SLC26A7: variants seen among roughly 807,000 people sequenced by gnomAD.
SLC26A7 encodes solute carrier family 26 member 7, also known as anion exchange transporter.
A neutral mutation model predicts 82.5 loss-of-function variants in SLC26A7; 59 were observed. The ratio of observed to expected loss-of-function variants is 0.72; its 90% CI spans 0.58 to 0.89. The LOEUF (loss-of-function observed/expected upper bound fraction) is 0.89. Ranked by LOEUF, SLC26A7 falls within the 40% of genes least tolerant of loss-of-function variation. The pLI, the probability that SLC26A7 is intolerant of heterozygous loss-of-function variation, is 0.00. For missense variants in SLC26A7, 820 were observed against 793.0 expected (o/e 1.03, Z -0.41); for synonymous variants, 271 against 274.3 (o/e 0.99, Z 0.12).
intron 5 of SLC26A7, among the ~76,000 whole-genome samples, chr8:91,328,971 A>G (rs933168741): frequency 6.6e-6 from 1 of 152,152 alleles, no homozygotes; most frequent in Non-Finnish European, 1.5e-5. Flanking sequence ...TGAACTCTCA[A>G]TATATAATGA....
chr8:91,346,992 G>C (rs577525812), intron 9 of SLC26A7, among the ~76,000 whole-genome samples: 1 of 152,260 alleles, frequency 6.6e-6, no homozygotes, highest in Admixed American at 6.5e-5. Flanking sequence ...GTTCATTATT[G>C]TGATTATATG....
rs1813209568 is a variant in SLC26A7 at position 91,335,259 on chromosome 8, G to A, written c.795+812G>A. On this transcript the variant is annotated intron_variant, in intron 6 of 18. Coordinates refer to ENST00000276609, the MANE Select transcript of SLC26A7 (RefSeq NM_052832.4). ...ATGTAGGTTTATGTACAATTATAAG[G>A]CTAGCACATTGCAATTGACTATTAA... 2.0e-5 allele frequency among the ~76,000 whole-genome samples: 3 copies of A among 152,086 alleles called. No homozygotes were observed. The South Asian group carries it at 6.2e-4, about 32-fold the overall frequency.
At chr8:91,261,212 A>G (rs1479083088) in intron 2 of SLC26A7, among the ~76,000 whole-genome samples, 1 of 152,112 alleles carries the variant, frequency 6.6e-6, no homozygotes. Flanking sequence ...ATTTCTATTC[A>G]AAAAATATTT....
At chr8:91,371,893 C>T (rs929624923) in intron 15 of SLC26A7, among the ~76,000 whole-genome samples, 1 of 151,886 alleles carries the variant, frequency 6.6e-6, no homozygotes, top group African/African-American at 2.4e-5. Context: ...ATATACTTAC[C>T]AACATCTGTT....
At chr8:91,343,777 G>C (rs907887359) in intron 9 of SLC26A7, among the ~76,000 whole-genome samples, 1 of 152,078 alleles carries the variant, frequency 6.6e-6, no homozygotes. Flanking sequence ...TGGTCAACAT[G>C]ACGTTTTCCC....
intron 9 of SLC26A7, among the ~76,000 whole-genome samples, chr8:91,347,533 G>A (rs1813593912): frequency 1.3e-5 from 2 of 151,942 alleles, no homozygotes; most frequent in Non-Finnish European, 2.9e-5. Context: ...TCAAAATCTG[G>A]TATTTTAGAT....
At chr8:91,287,669 T>C (rs1456342128) in intron 2 of SLC26A7, among the ~76,000 whole-genome samples, 3 of 152,240 alleles carry the variant, frequency 2.0e-5, no homozygotes, top group Non-Finnish European at 2.9e-5. Flanking sequence ...TAATAGATAA[T>C]TTTTATCAGG....
At chr8:91,292,168 G>T (rs938838279) in intron 3 of SLC26A7, among the ~76,000 whole-genome samples, 1 of 152,092 alleles carries the variant, frequency 6.6e-6, no homozygotes, top group African/African-American at 2.4e-5. Context: ...AGCTGGACGT[G>T]GTGGCGGGCA....
intron 2 of SLC26A7, among the ~76,000 whole-genome samples, chr8:91,276,496 T>C (rs746463960): frequency 6.6e-6 from 1 of 152,194 alleles, no homozygotes; most frequent in Non-Finnish European, 1.5e-5. Context: ...CTAGCAGATA[T>C]AGGAGTAGGA....
intron 2 of SLC26A7, among the ~76,000 whole-genome samples, chr8:91,262,092 G>A (rs1489389501): frequency 6.6e-6 from 1 of 152,062 alleles, no homozygotes; most frequent in Non-Finnish European, 1.5e-5. Flanking sequence ...GACAGAAGAG[G>A]TCTGAGAATT....
At chr8:91,278,360 C>A (rs1225044153) in intron 2 of SLC26A7, among the ~76,000 whole-genome samples, 1 of 152,000 alleles carries the variant, frequency 6.6e-6, no homozygotes, top group African/African-American at 2.4e-5. Context: ...AAGAGAAAAT[C>A]CAAAATTATC....
chr8:91,304,663 C>A (rs929007580), intron 4 of SLC26A7, among the ~76,000 whole-genome samples: 1 of 152,200 alleles, frequency 6.6e-6, no homozygotes, highest in Non-Finnish European at 1.5e-5. Flanking sequence ...GTATACACTT[C>A]CTTAACTGCT....
chr8:91,346,617 C>CTGGTATTTCTGCAGAAA (rs1563691326), intron 9 of SLC26A7, among the ~76,000 whole-genome samples: 3 of 152,252 alleles, frequency 2.0e-5, no homozygotes, highest in East Asian at 1.9e-4. Flanking sequence ...AGAAACATTT[C>CTGGTATTTCTGCAGAAA]TGGTATTTCT....
At chr8:91,340,168 C>T (rs911558233) in intron 7 of SLC26A7, among the ~76,000 whole-genome samples, 3 of 152,102 alleles carry the variant, frequency 2.0e-5, no homozygotes, top group East Asian at 1.9e-4. Context: ...ATTCTCTGGG[C>T]GTAAATGCCA....
chr8:91,395,066 TGAG>T lies in SLC26A7; in HGVS notation c.1941_1943del (p.Leu647_Ser648delinsPhe). ...CTTCTTCCTCTGGTATTTCAGAATT[TGAG>T]CAAACTCAGTGACCACAGTGAAGTC... is the stretch of plus-strand genomic sequence containing the variant. On this transcript the variant is annotated inframe_deletion, in exon 19 of 19. Transcript: ENST00000276609. 6.2e-7 allele frequency: 1 copy of T among 1,613,436 alleles called. No homozygotes were observed. The highest frequency in any genetic ancestry group is 8.5e-7 in the Non-Finnish European group (1 of 1,179,396).
In SLC26A7 at chr8:91,389,439, G is replaced by A. The variant is rs778587231; in HGVS notation, c.1776+1G>A. The A allele has an allele frequency of 1.2e-6, 2 of 1,604,574 alleles. No homozygotes were observed. The highest frequency in any genetic ancestry group is 2.2e-5 in the South Asian group (2 of 90,860). On this transcript the variant is annotated splice_donor_variant, in intron 16 of 18. Transcript: ENST00000276609. LOFTEE classifies it high-confidence loss of function. Reference sequence around the variant, plus strand: ...TTCTGGAGTCTCCATGCTTGTTGAGGTATTTATGGAACTTGTGTTTAGAAC... The same window carrying A: ...TTCTGGAGTCTCCATGCTTGTTGAGATATTTATGGAACTTGTGTTTAGAAC...
At chr8:91,230,896 T>G (rs1018970247) in intron 2 of SLC26A7, among the ~76,000 whole-genome samples, 2 of 152,132 alleles carry the variant, frequency 1.3e-5, no homozygotes, top group African/African-American at 2.4e-5. Flanking sequence ...TCTGCATGAG[T>G]ACACTAAATG....
intron 15 of SLC26A7, among the ~76,000 whole-genome samples, chr8:91,373,254 T>C (rs1814417026): frequency 2.0e-5 from 3 of 152,012 alleles, no homozygotes. Context: ...GCACTTCCAG[T>C]ACTATGTTGA....
intron 4 of SLC26A7, 120 bp from the exon 5 acceptor site, chr8:91,318,096 T>C (rs905404629): frequency 1.3e-6 from 1 of 784,550 alleles, no homozygotes; most frequent in African/African-American, 1.8e-5. Context: ...ACAAACTTGT[T>C]ACATGTCAGT....
Sources: allele counts gnomAD v4.1 joint callset (sites outside exome capture counted in the v4.1 genomes callset), GRCh38; gene constraint gnomAD v4.1.1; transcripts MANE v1.5; gene names NCBI Gene and HGNC (gene_info 2026-07-23, HGNC 2026-07-21).